Variants in NCAPD3 observed in about 807,000 individuals in gnomAD.
The protein encoded by NCAPD3 is condensin-2 complex subunit D3.
NCAPD3 carries 105 observed loss-of-function variants against 182.9 expected under a neutral mutation model. The observed-to-expected ratio is 0.57, with a 90% CI of 0.49 to 0.68. The LOEUF (loss-of-function observed/expected upper bound fraction) is 0.68, where lower values mean the gene tolerates loss of function less well. Ranked by LOEUF, NCAPD3 falls within the 30% of genes least tolerant of loss-of-function variation. NCAPD3 has a pLI of 0.00. For synonymous variants in NCAPD3, 815 were observed against 679.9 expected, an observed-to-expected ratio of 1.20 and a Z score of -3.09; for missense variants, 1,944 against 1,837.0, an observed-to-expected ratio of 1.06 and a Z score of -1.07.
intron 24 of NCAPD3, among the ~76,000 whole-genome samples, chr11:134,174,512 C>T (rs1341784263): frequency 1.3e-5 from 2 of 148,406 alleles, no homozygotes; most frequent in Non-Finnish European, 3.0e-5. Flanking sequence ...TATATATATA[C>T]ACACCACACA....
chr11:134,167,396 C>G (rs1372313560), intron 27 of NCAPD3, among the ~76,000 whole-genome samples: 2 of 79,154 alleles, frequency 2.5e-5, no homozygotes, highest in East Asian at 4.0e-4. Context: ...CTTAGGGGAG[C>G]TGCACACTCA....
At chr11:134,167,303 A>T (rs74378229) in intron 27 of NCAPD3, among the ~76,000 whole-genome samples, 34 of 88,858 alleles carry the variant, frequency 3.8e-4, no homozygotes, top group East Asian at 7.6e-4. Flanking sequence ...TTGGGGGAGC[A>T]GCACACTCAC....
chr11:134,154,801 T>C (rs1943374060), intron 32 of NCAPD3, among the ~76,000 whole-genome samples: 1 of 152,242 alleles, frequency 6.6e-6, no homozygotes, highest in African/African-American at 2.4e-5. Flanking sequence ...ATGGACTGTG[T>C]CTTCCCATTT....
Position 134,153,133 on chromosome 11 carries a change from A to AACTT in NCAPD3, c.4388+3_4388+6dup, listed in dbSNP as rs575008589. 11 of 1,614,010 alleles carry AACTT rather than the reference A, an allele frequency of 6.8e-6. No individual in the cohort carries two copies. Among genetic ancestry groups the AACTT allele is most frequent in the South Asian group, 2.2e-5 (2 of 91,074 alleles). ...ATCCACCTCAAAAGGAACACTGCTA[A>AACTT]ACTTACGGTTTATCAGGCAGTGATA... is the stretch of plus-strand genomic sequence containing the variant. On this transcript the variant is annotated splice_region_variant and intron_variant, in intron 34 of 34. Coordinates refer to ENST00000534548, the MANE Select transcript of NCAPD3 (RefSeq NM_015261.3).
chr11:134,184,587 A>C (rs1231651017), intron 19 of NCAPD3, 50 bp downstream of exon 19: 2 of 1,313,834 alleles, frequency 1.5e-6, no homozygotes, highest in Non-Finnish European at 2.1e-6. Flanking sequence ...ATACAGTAAC[A>C]TCCTAAGCTC....
intron 13 of NCAPD3, among the ~76,000 whole-genome samples, chr11:134,200,624 AG>A (rs1944728202): frequency 6.6e-6 from 1 of 152,200 alleles, no homozygotes; most frequent in Admixed American, 6.5e-5. Context: ...ATACGTTGCT[AG>A]CAGGATTGTA....
At chr11:134,212,760 A>G (rs369896578) in intron 3 of NCAPD3, among the ~76,000 whole-genome samples, 2 of 152,318 alleles carry the variant, frequency 1.3e-5, no homozygotes, top group African/African-American at 4.8e-5. Flanking sequence ...ATCTGAAGAT[A>G]AACTGTGAGA....
chr11:134,167,008 T>A (rs1401245615), intron 27 of NCAPD3, among the ~76,000 whole-genome samples: 5 of 87,834 alleles, frequency 5.7e-5, no homozygotes, highest in African/African-American at 5.6e-5. Context: ...TTAGGGGAGC[T>A]GCACACTCAC....
At chr11:134,190,962 T>G (rs892875533) in intron 16 of NCAPD3, among the ~76,000 whole-genome samples, 1 of 152,250 alleles carries the variant, frequency 6.6e-6, no homozygotes, top group Admixed American at 6.5e-5. Context: ...CTTGCTTCGC[T>G]TGAAATCCTC....
intron 25 of NCAPD3, 137 bp from the exon 26 acceptor site, chr11:134,168,739 G>T: frequency 2.2e-6 from 3 of 1,382,052 alleles, no homozygotes; most frequent in Non-Finnish European, 3.0e-6. Flanking sequence ...CTCATCACAG[G>T]CGCTGCCCTT....
In NCAPD3 at chr11:134,159,909, C is replaced by T. The variant is rs753544694; in HGVS notation, c.3850G>A (p.Val1284Met). Residue 1284 changes from valine to methionine, a missense_variant, in exon 29 of 35, where the codon GTG (valine) becomes ATG (methionine). Physicochemically the swap from Val to Met is conservative, Grantham distance 21 (BLOSUM62 1). This residue lies in a region of NCAPD3 where 1,803 missense variants were observed against 1,674.6 expected (regional missense o/e 1.08). Transcript: ENST00000534548. ...ACACCTACCTGTGCCACAGGTGCCA[C>T]CTCAGCACCTCCAGCCGTCCCGGCC... Reference protein sequence around the residue: ...DVAGTAGGAEVAPVAQVALCL... With the variant: ...DVAGTAGGAEMAPVAQVALCL... 13 of 1,613,100 alleles carry T rather than the reference C, an allele frequency of 8.1e-6. No individual in the cohort carries two copies. In the South Asian group the frequency reaches 1.2e-4, roughly 15 times the overall value.
intron 3 of NCAPD3, among the ~76,000 whole-genome samples, chr11:134,213,662 C>A (rs1279107313): frequency 6.6e-6 from 1 of 151,026 alleles, no homozygotes; most frequent in Non-Finnish European, 1.5e-5. Context: ...AAGCCATGAC[C>A]ACGTGACAGG....
intron 32 of NCAPD3, among the ~76,000 whole-genome samples, chr11:134,155,474 C>T (rs1462729181): frequency 6.6e-6 from 1 of 152,188 alleles, no homozygotes; most frequent in South Asian, 2.1e-4. Flanking sequence ...TGTCCAAGAG[C>T]CTGGAGCAAG....
At chr11:134,174,590 C>T (rs1477829991) in intron 24 of NCAPD3, among the ~76,000 whole-genome samples, 10 of 151,604 alleles carry the variant, frequency 6.6e-5, no homozygotes, top group African/African-American at 1.5e-4. Context: ...TTGTGGTTAT[C>T]GGAGGCTGGG....
At chr11:134,207,761 A>C (rs929851474) in intron 7 of NCAPD3, among the ~76,000 whole-genome samples, 31 of 151,878 alleles carry the variant, frequency 2.0e-4, no homozygotes, top group African/African-American at 6.5e-4. Context: ...AAAAAAAAAA[A>C]AAAAAACCAT....
chr11:134,174,253 T>C (rs144957363), intron 24 of NCAPD3, among the ~76,000 whole-genome samples: 2 of 151,148 alleles, frequency 1.3e-5, no homozygotes, highest in African/African-American at 4.8e-5. Flanking sequence ...TATGGTGGCA[T>C]GCACCTGTAG....
chr11:134,210,284 T>C lies in NCAPD3; in HGVS notation c.553A>G (p.Arg185Gly). 1 of 1,613,358 alleles carries C rather than the reference T, an allele frequency of 6.2e-7. No homozygotes were observed. Among genetic ancestry groups the C allele is most frequent in the Non-Finnish European group, 8.5e-7 (1 of 1,179,822 alleles). The stretch of plus-strand genomic sequence containing the variant: ...TTACTTCTTACCTCAATATCTTCTC[T>C]CCTGGGTGGCTTTCCCCTTTTTCTA... Reference protein sequence around the residue: ...RHRKRGKPPRREDIEMDEIIE... With the variant: ...RHRKRGKPPRGEDIEMDEIIE... The change falls in exon 4 of 35, where the codon AGA (arginine) becomes GGA (glycine). Residue 185 changes from arginine (R) to glycine (G), a missense_variant. This residue lies in a region of NCAPD3 where 1,803 missense variants were observed against 1,674.6 expected (regional missense o/e 1.08). Transcript: ENST00000534548.
chr11:134,203,346 T>G (rs1406956623), intron 11 of NCAPD3, 148 bp from the exon 12 acceptor site: 2 of 705,912 alleles, frequency 2.8e-6, no homozygotes, highest in Non-Finnish European at 4.8e-6. Flanking sequence ...TCTCCTTGGG[T>G]ATGCATTGAA....
In NCAPD3 at chr11:134,150,629, C is replaced by T. The variant is rs1252916837; in HGVS notation, c.*2315G>A. The T allele has an allele frequency of 6.6e-6, 1 of 150,424 alleles. No individual in the cohort carries two copies. Among genetic ancestry groups the T allele is most frequent in the African/African-American group, 2.4e-5 (1 of 41,108 alleles). The allele number at this position is 150,424 out of a possible 1,614,324, so 9.3% of individuals were successfully genotyped here. A position where few individuals can be genotyped will look rare whatever the true frequency, so the allele number is the denominator to read the frequency against. ...GTTATGGATGGCTCACAAAATAGGGCCCCCAATGCTATTTTTTTTTTTTAA... is the reference window on the plus strand; with the variant it reads ...GTTATGGATGGCTCACAAAATAGGGTCCCCAATGCTATTTTTTTTTTTTAA... On this transcript the variant is annotated 3_prime_UTR_variant, in exon 35 of 35. Transcript: ENST00000534548.
Sources: allele counts gnomAD v4.1 joint callset (sites outside exome capture counted in the v4.1 genomes callset), GRCh38; gene constraint gnomAD v4.1.1; regional missense constraint gnomAD v4.1.1; transcripts MANE v1.5; gene names NCBI Gene and HGNC (gene_info 2026-07-23, HGNC 2026-07-21).